The following FSIP2 variants were observed in gnomAD, a reference collection of about 807,000 sequenced individuals.
The protein encoded by FSIP2 is fibrous sheath-interacting protein 2.
Under a neutral mutation model 510.5 loss-of-function variants are expected in FSIP2, and 367 were observed. The ratio of observed to expected loss-of-function variants is 0.72; its 90% CI spans 0.66 to 0.78. The LOEUF is 0.78. Among genes scored for constraint, FSIP2 ranks in the 30% least tolerant of loss-of-function variants. FSIP2 has a pLI of 0.00. For synonymous variants in FSIP2, 2,601 were observed against 2,732.2 expected, an observed-to-expected ratio of 0.95 and a Z score of 1.50; for missense variants, 7,594 against 7,901.7, an observed-to-expected ratio of 0.96 and a Z score of 1.48.
intron 19 of FSIP2, among the ~76,000 whole-genome samples, chr2:185,817,818 G>C (rs1452331774): frequency 1.3e-5 from 2 of 152,002 alleles, no homozygotes; most frequent in African/African-American, 4.8e-5. Flanking sequence ...AGAATTGTAG[G>C]TAGACAAAGA....
Position 185,801,396 on chromosome 2 carries a change from A to T in FSIP2, c.12090A>T (p.Glu4030Asp). The change falls in exon 17 of 23, where the codon GAA (glutamate) becomes GAT (aspartate). Residue 4030 changes from glutamate to aspartate, a missense_variant. By Grantham distance (45) the Glu-to-Asp change is conservative. Transcript: ENST00000424728. Reference protein sequence around the residue: ...NAQVTVLRNAEERLCFPPVHT... With the variant: ...NAQVTVLRNADERLCFPPVHT... ...AAGTCACTGTTCTACGGAATGCTGA[A>T]GAAAGGCTGTGTTTTCCACCAGTTC... is the stretch of plus-strand genomic sequence containing the variant. The T allele has an allele frequency of 1.3e-6, 2 of 1,534,212 alleles. No homozygotes were observed. Among genetic ancestry groups the T allele is most frequent in the Non-Finnish European group, 1.7e-6 (2 of 1,145,636 alleles).
rs755324445 is a variant in FSIP2, at chr2:185,806,710, T to C, written c.17404T>C (p.Ser5802Pro). ...GATGGTTAAACAATTGATCTTTTCT[T>C]CTATACCAGAAACACAAATACAAGA... ...TEMVKQLIFS[S>P]IPETQIQDRC... is the part of the protein sequence containing the mutation. Residue 5802 changes from serine to proline, a missense_variant, in exon 17 of 23, where the codon TCT becomes CCT. By Grantham distance (74) the Ser-to-Pro change is moderately conservative (BLOSUM62 -1). Transcript: ENST00000424728. 1.2e-6 allele frequency: 2 copies of C among 1,606,822 alleles called. No individual in the cohort carries two copies. Among genetic ancestry groups the C allele is most frequent in the East Asian group, 4.5e-5 (2 of 44,742 alleles).
At chr2:185,798,126 G>A (rs918947614) in intron 16 of FSIP2, among the ~76,000 whole-genome samples, 3 of 151,910 alleles carry the variant, frequency 2.0e-5, no homozygotes, top group African/African-American at 7.2e-5. Flanking sequence ...TAAAGCAGGA[G>A]ATTTTGGTTG....
intron 10 of FSIP2, among the ~76,000 whole-genome samples, 159 bp from the exon 11 acceptor site, chr2:185,761,813 G>C (rs1403449936): frequency 2.0e-5 from 3 of 151,094 alleles, no homozygotes; most frequent in African/African-American, 7.3e-5. Flanking sequence ...AGGTATCCTA[G>C]GAGGTTGATG....
Position 185,807,961 on chromosome 2 carries a change from T to G in FSIP2, c.18655T>G (p.Ser6219Ala). The change falls in exon 17 of 23, where the codon TCA (serine) becomes GCA (alanine). Residue 6219 changes from serine (S) to alanine (A), a missense_variant. Transcript: ENST00000424728. ...MQKITSKVLN[S>A]VQEFISKSKI... ...AAAAATAACTTCAAAAGTACTAAAT[T>G]CAGTCCAAGAATTTATCTCCAAAAG... 5 of 1,609,776 alleles carry G rather than the reference T, an allele frequency of 3.1e-6. No homozygotes were observed. Among genetic ancestry groups the G allele is most frequent in the Non-Finnish European group, 4.2e-6 (5 of 1,178,118 alleles).
At chr2:185,783,245 A>G (rs990024217) in intron 14 of FSIP2, among the ~76,000 whole-genome samples, 1 of 152,152 alleles carries the variant, frequency 6.6e-6, no homozygotes, top group Non-Finnish European at 1.5e-5. Flanking sequence ...TATGGCACTT[A>G]GAAGAGATAG....
At chr2:185,739,535 C>T in intron 2 of FSIP2, 64 bp downstream of exon 2, 2 of 1,319,530 alleles carry the variant, frequency 1.5e-6, no homozygotes, top group Non-Finnish European at 2.0e-6. Context: ...AACTCAAAGG[C>T]TGCATCATAC....
chr2:185,738,673 A>AT (rs1691837413), upstream of FSIP2: 2 of 1,536,034 alleles, frequency 1.3e-6, no homozygotes. Flanking sequence ...TCTCGGACCG[A>AT]TTTTCCCAGC....
chr2:185,761,275 G>C (rs1231396331), intron 10 of FSIP2, among the ~76,000 whole-genome samples, 172 bp downstream of exon 10: 2 of 151,060 alleles, frequency 1.3e-5, no homozygotes, highest in African/African-American at 4.8e-5. Flanking sequence ...AGTTAGCTTT[G>C]TGCTAAACAC....
chr2:185,764,523 G>A lies in FSIP2; in HGVS notation c.1369G>A (p.Asp457Asn). The change falls in exon 13 of 23, where the codon GAT becomes AAT. Residue 457 changes from aspartate (D) to asparagine (N), a missense_variant. By Grantham distance (23) the Asp-to-Asn change is conservative (BLOSUM62 1). Transcript: ENST00000424728. ...KEEKETNADW[D>N]GRPTKRSSYL... ...GTAGAAGGAGACAAATGCTGATTGG[G>A]ATGGAAGACCAACCAAGAGATCAAG... The A allele has an allele frequency of 3.3e-6, 5 of 1,531,736 alleles. No homozygotes were observed. The highest frequency in any genetic ancestry group is 4.4e-6 in the Non-Finnish European group (5 of 1,143,878). 94.9% of individuals were successfully genotyped at this position (1,531,736 alleles called of 1,614,324 possible). A position where few individuals can be genotyped will look rare whatever the true frequency, so the allele number is the denominator to read the frequency against.
At chr2:185,760,510 T>A (rs1468009820) in intron 9 of FSIP2, among the ~76,000 whole-genome samples, 1 of 147,382 alleles carries the variant, frequency 6.8e-6, no homozygotes, top group Non-Finnish European at 1.5e-5. Context: ...TTTATTATAA[T>A]AAAATAATAT....
intron 13 of FSIP2, among the ~76,000 whole-genome samples, chr2:185,770,749 C>T (rs1692591052): frequency 6.6e-6 from 1 of 152,092 alleles, no homozygotes; most frequent in Non-Finnish European, 1.5e-5. Flanking sequence ...CCAATAGTCC[C>T]CCCAAATCTT....
intron 14 of FSIP2, among the ~76,000 whole-genome samples, chr2:185,784,645 G>A (rs1692926362): frequency 6.6e-6 from 1 of 152,084 alleles, no homozygotes; most frequent in South Asian, 2.1e-4. Context: ...ATAAAACTAT[G>A]TTGCTATGAT....
At chr2:185,830,963 C>T (rs1012051893) in intron 21 of FSIP2, among the ~76,000 whole-genome samples, 1 of 151,920 alleles carries the variant, frequency 6.6e-6, no homozygotes, top group African/African-American at 2.4e-5. Flanking sequence ...CAGTACTTTA[C>T]ATTGTCTCTG....
chr2:185,815,320 A>G, intron 18 of FSIP2, 51 bp from the exon 19 acceptor site: 1 of 855,034 alleles, frequency 1.2e-6, no homozygotes, highest in Non-Finnish European at 1.9e-6. Flanking sequence ...TAAGGTAAGA[A>G]AATATATCCC....
intron 21 of FSIP2, among the ~76,000 whole-genome samples, chr2:185,829,896 G>A (rs1694076893): frequency 6.6e-6 from 1 of 151,804 alleles, no homozygotes; most frequent in African/African-American, 2.4e-5. Context: ...ACAGAAAGAG[G>A]AACCTCAAAA....
At chr2:185,753,889 T>C in intron 8 of FSIP2, 47 bp downstream of exon 8, 1 of 1,315,170 alleles carries the variant, frequency 7.6e-7, no homozygotes, top group Non-Finnish European at 9.9e-7. Context: ...TAGAAAATGA[T>C]TATCTATGTA....
In FSIP2 at chr2:185,738,986, G is replaced by T; in HGVS notation, c.92G>T (p.Cys31Phe). 1 of 1,532,846 alleles carries T rather than the reference G, an allele frequency of 6.5e-7. No individual in the cohort carries two copies. Among genetic ancestry groups the T allele is most frequent in the Non-Finnish European group, 8.7e-7 (1 of 1,146,298 alleles). The allele number at this position is 1,532,846 out of a possible 1,614,324, so 95.0% of individuals were successfully genotyped here. Reference sequence around the variant, plus strand: ...GTCCTGGCCGCGGACACCCAGCAGTGCAGAGACGTGAGTGGCCGCAAGCTG... The same window carrying T: ...GTCCTGGCCGCGGACACCCAGCAGTTCAGAGACGTGAGTGGCCGCAAGCTG... ...ASVLAADTQQ[C>F]RDGVHKTHFA... The change falls in exon 1 of 23, where the codon TGC becomes TTC. Residue 31 changes from cysteine (C) to phenylalanine (F), a missense_variant. Physicochemically the swap from Cys to Phe is radical, Grantham distance 205. Transcript: ENST00000424728.
In FSIP2 at chr2:185,792,319, A is replaced by T. The variant is rs1019931118; in HGVS notation, c.5183A>T (p.Glu1728Val). 7.2e-6 allele frequency: 11 copies of T among 1,530,282 alleles called. No individual in the cohort carries two copies. The highest frequency in any genetic ancestry group is 9.6e-6 in the Non-Finnish European group (11 of 1,144,352). The allele number at this position is 1,530,282 out of a possible 1,614,324, so 94.8% of individuals were successfully genotyped here. The change falls in exon 16 of 23, where the codon GAA becomes GTA. Residue 1728 changes from glutamate to valine, a missense_variant. Physicochemically the swap from Glu to Val is moderately radical, Grantham distance 121 (BLOSUM62 -2). Coordinates refer to ENST00000424728, the MANE Select transcript of FSIP2 (RefSeq NM_173651.4). ...GGAGCTGAATCAGATTCATTTCTAG[A>T]AGATGATGCATATACAGCGAAAAAA... The part of the protein sequence containing the change: ...PGGAESDSFL[E>V]DDAYTAKKII...
Sources: allele counts gnomAD v4.1 joint callset (sites outside exome capture counted in the v4.1 genomes callset), GRCh38; gene constraint gnomAD v4.1.1; transcripts MANE v1.5; gene names NCBI Gene and HGNC (gene_info 2026-07-23, HGNC 2026-07-21).